Variants in FOXN4 observed in about 807,000 individuals in gnomAD.
FOXN4 encodes the protein forkhead box N4.
FOXN4 carries 12 observed loss-of-function variants against 45.0 expected under a neutral mutation model. That is an observed-to-expected ratio of 0.27 (90% CI 0.17 to 0.43). The LOEUF (loss-of-function observed/expected upper bound fraction) is 0.43, where lower values mean the gene tolerates loss of function less well. FOXN4 is among the 20% of genes least tolerant of loss of function. The pLI, the probability that FOXN4 is intolerant of heterozygous loss-of-function variation, is 1.00. For synonymous variants in FOXN4, 297 were observed against 295.0 expected (o/e 1.01, Z -0.07); for missense variants, 560 against 694.9 (o/e 0.81, Z 2.18).
chr12:109,287,831 G>C lies in FOXN4; in HGVS notation c.468+13C>G. On this transcript the variant is annotated intron_variant, in intron 5 of 9. Transcript: ENST00000299162. The surrounding 1 kb of genome is among the most constrained non-coding windows in gnomAD (Gnocchi z 4.1). ...CTGCTGCTCAGTCCAGGGCTCCCCTGAGCCCTTGGTACCTGCTGGGCACCC... is the reference window on the plus strand; with the variant it reads ...CTGCTGCTCAGTCCAGGGCTCCCCTCAGCCCTTGGTACCTGCTGGGCACCC... The C allele has an allele frequency of 6.5e-7, 1 of 1,546,206 alleles. No homozygotes were observed. Among genetic ancestry groups the C allele is most frequent in the Non-Finnish European group, 8.7e-7 (1 of 1,145,614 alleles).
chr12:109,283,175 AT>A (rs5800846), intron 8 of FOXN4, among the ~76,000 whole-genome samples: 106,938 of 151,470 alleles, frequency 0.71, 37,965 homozygotes, highest in South Asian at 0.79. Flanking sequence ...AAATCCATTA[AT>A]TTTTTTTTTA....
At chr12:109,301,390 C>T (rs986120550) in intron 2 of FOXN4, among the ~76,000 whole-genome samples, 19 of 152,184 alleles carry the variant, frequency 1.2e-4, no homozygotes, top group Admixed American at 9.2e-4. Context: ...TTACAAGGGA[C>T]ATTGGAACCT....
chr12:109,301,076 C>T (rs2047864709), intron 2 of FOXN4, among the ~76,000 whole-genome samples: 1 of 152,180 alleles, frequency 6.6e-6, no homozygotes, highest in Non-Finnish European at 1.5e-5. Context: ...ACCCAACCCA[C>T]TTTAATGGAC....
chr12:109,299,372 GCA>G (rs1031974849), intron 2 of FOXN4, among the ~76,000 whole-genome samples: 4 of 152,010 alleles, frequency 2.6e-5, no homozygotes, highest in East Asian at 1.9e-4. Context: ...ACACACACGT[GCA>G]CACACACAAC....
chr12:109,285,882 T>G (rs1024239911), intron 7 of FOXN4, among the ~76,000 whole-genome samples: 141 of 151,722 alleles, frequency 9.3e-4, no homozygotes, highest in Non-Finnish European at 1.6e-3. Context: ...TTTTTTTTTT[T>G]TGTGACAGGG....
Position 109,278,589 on chromosome 12 carries a change from T to C in FOXN4, c.*1082A>G, listed in dbSNP as rs1242627937. On this transcript the variant is annotated 3_prime_UTR_variant, in exon 10 of 10. Coordinates refer to ENST00000299162, the MANE Select transcript of FOXN4 (RefSeq NM_213596.3). ...CCACCACTTGCCACGTGGTTCGAGC[T>C]TTACGTGGTTCAGTTGGCTTTCATT... 1.3e-5 allele frequency: 2 copies of C among 152,148 alleles called. No homozygotes were observed. The highest frequency in any genetic ancestry group is 4.8e-5 in the African/African-American group (2 of 41,420). The allele number at this position is 152,148 out of a possible 1,614,324, so 9.4% of individuals were successfully genotyped here.
chr12:109,284,938 G>C (rs998548550), intron 8 of FOXN4, among the ~76,000 whole-genome samples: 1 of 142,892 alleles, frequency 7.0e-6, no homozygotes, highest in Non-Finnish European at 1.5e-5. Flanking sequence ...GCTGCAAGCT[G>C]TCTGGGCCTC....
In FOXN4 at chr12:109,290,835, C is replaced by T. The variant is rs936182181; in HGVS notation, c.87-549G>A. 2.6e-5 allele frequency among the ~76,000 whole-genome samples: 4 copies of T among 152,194 alleles called. No individual in the cohort carries two copies. The highest frequency in any genetic ancestry group is 9.6e-5 in the African/African-American group (4 of 41,458). Reference sequence around the variant, plus strand: ...CTTGGGAACGGTCTGCGTGGATGATCCTGCCATGTGCTGAGGCAGCTGAGT... The same window carrying T: ...CTTGGGAACGGTCTGCGTGGATGATTCTGCCATGTGCTGAGGCAGCTGAGT... On this transcript the variant is annotated intron_variant, in intron 2 of 9. Transcript: ENST00000299162. The surrounding 1 kb of genome is among the most constrained non-coding windows in gnomAD (Gnocchi z 5.1).
chr12:109,283,100 G>C (rs1247949419), intron 8 of FOXN4, among the ~76,000 whole-genome samples: 1 of 152,032 alleles, frequency 6.6e-6, no homozygotes, highest in Non-Finnish European at 1.5e-5. Context: ...TACTCCGAAG[G>C]CTGGGGCACA....
intron 2 of FOXN4, among the ~76,000 whole-genome samples, chr12:109,307,193 T>C (rs1354140462): frequency 6.6e-6 from 1 of 152,208 alleles, no homozygotes; most frequent in Non-Finnish European, 1.5e-5. Flanking sequence ...CGGGCTGCGG[T>C]CTGTCCCAGC....
At chr12:109,300,680 A>G (rs1443331049) in intron 2 of FOXN4, among the ~76,000 whole-genome samples, 1 of 152,178 alleles carries the variant, frequency 6.6e-6, no homozygotes, top group Non-Finnish European at 1.5e-5. Context: ...AGGCTGATGC[A>G]GGAGGATCAC....
At chr12:109,279,988 A>G in intron 9 of FOXN4, 58 bp from the exon 10 acceptor site, 1 of 1,602,818 alleles carries the variant, frequency 6.2e-7, no homozygotes, top group Non-Finnish European at 8.5e-7. Context: ...CCTGAGTTCG[A>G]ATCCCCCATC....
In FOXN4 at chr12:109,291,947, C is replaced by A. The variant is rs1013470104; in HGVS notation, c.87-1661G>T. ...CGGCTGCCACCCCTCCGGCCGCCAC[C>A]CCTCCGGCTGCCACCCCTCCGGCCT... is the stretch of plus-strand genomic sequence containing the variant. On this transcript the variant is annotated intron_variant, in intron 2 of 9. Coordinates refer to ENST00000299162, the MANE Select transcript of FOXN4 (RefSeq NM_213596.3). The surrounding 1 kb of genome is among the most constrained non-coding windows in gnomAD (Gnocchi z 6.6). 6.7e-6 allele frequency among the ~76,000 whole-genome samples: 1 copy of A among 148,980 alleles called. No homozygotes were observed. The highest frequency in any genetic ancestry group is 2.6e-5 in the African/African-American group (1 of 38,638).
chr12:109,299,405 C>T (rs970078517), intron 2 of FOXN4, among the ~76,000 whole-genome samples: 2 of 152,190 alleles, frequency 1.3e-5, no homozygotes, highest in African/African-American at 2.4e-5. Context: ...ACACACAACA[C>T]ACACGTGCAT....
intron 2 of FOXN4, among the ~76,000 whole-genome samples, chr12:109,298,087 T>C (rs987494989): frequency 8.4e-4 from 128 of 152,264 alleles, no homozygotes; most frequent in African/African-American, 2.9e-3. Flanking sequence ...AGGAGATGAT[T>C]TCATGGAATT....
At position 109,280,832 on chromosome 12, in the gene FOXN4, C is replaced by G. The variant is rs139307974; in HGVS notation, c.1294+575G>C. Among the ~76,000 whole-genome samples, 6 of 152,310 alleles carry G rather than the reference C, an allele frequency of 3.9e-5. No individual in the cohort carries two copies. In the East Asian group the frequency reaches 1.2e-3, roughly 29 times the overall value. ...CCCTTGTTCGTTCATTCATCACGTCCCATTTATTGGAGATGATCATGCGGC... is the reference window on the plus strand; with the variant it reads ...CCCTTGTTCGTTCATTCATCACGTCGCATTTATTGGAGATGATCATGCGGC... On this transcript the variant is annotated intron_variant, in intron 9 of 9. Coordinates refer to ENST00000299162, the MANE Select transcript of FOXN4 (RefSeq NM_213596.3).
intron 2 of FOXN4, among the ~76,000 whole-genome samples, chr12:109,296,194 G>C (rs922993387): frequency 8.5e-5 from 13 of 152,204 alleles, no homozygotes; most frequent in African/African-American, 2.4e-4. Context: ...GAAGAGGCCG[G>C]GTACCTGCAA....
chr12:109,296,824 C>CTT (rs2047822221), intron 2 of FOXN4, among the ~76,000 whole-genome samples: 1 of 152,232 alleles, frequency 6.6e-6, no homozygotes, highest in Non-Finnish European at 1.5e-5. Context: ...CCCACACTCC[C>CTT]CTGGGGTCAG....
rs368685863 is a variant in FOXN4 at position 109,281,430 on chromosome 12, C to T, written c.1271G>A (p.Ser424Asn). The T allele has an allele frequency of 6.2e-7, 1 of 1,614,010 alleles. No homozygotes were observed. The highest frequency in any genetic ancestry group is 8.5e-7 in the Non-Finnish European group (1 of 1,179,892). ...ACCCTGCAGAGCGAAGTCCATGATGCTCGGGTCGAGGGCATCCACCTCAGT... is the reference window on the plus strand; with the variant it reads ...ACCCTGCAGAGCGAAGTCCATGATGTTCGGGTCGAGGGCATCCACCTCAGT... ...MNTEVDALDP[S>N]IMDFALQGNL... Residue 424 changes from serine to asparagine, a missense_variant, in exon 9 of 10, where the codon AGC becomes AAC. Ser to Asn is a conservative substitution (Grantham distance 46, BLOSUM62 1). This residue lies in a region of FOXN4 where 315 missense variants were observed against 350.5 expected (regional missense o/e 0.90). Transcript: ENST00000299162.
Sources: allele counts gnomAD v4.1 joint callset (sites outside exome capture counted in the v4.1 genomes callset), GRCh38; gene constraint gnomAD v4.1.1; regional missense constraint gnomAD v4.1.1; non-coding constraint Gnocchi (gnomAD v3.1); transcripts MANE v1.5; gene names NCBI Gene and HGNC (gene_info 2026-07-23, HGNC 2026-07-21).